The following ADAMTS2 variants were observed in gnomAD, a reference collection of about 807,000 sequenced individuals.
ADAMTS2 encodes the protein ADAM metallopeptidase with thrombospondin type 1 motif 2.
ADAMTS2 carries 50 observed loss-of-function variants against 123.0 expected under a neutral mutation model. The ratio of observed to expected loss-of-function variants is 0.41; its 90% CI spans 0.32 to 0.51. The LOEUF (loss-of-function observed/expected upper bound fraction) is 0.51. Ranked by LOEUF, ADAMTS2 falls within the 20% of genes least tolerant of loss-of-function variation. The pLI is 0.35. For synonymous variants in ADAMTS2, 678 were observed against 695.4 expected, an observed-to-expected ratio of 0.98 and a Z score of 0.39; for missense variants, 1,494 against 1,705.2, an observed-to-expected ratio of 0.88 and a Z score of 2.18.
intron 3 of ADAMTS2, among the ~76,000 whole-genome samples, chr5:179,222,328 A>C (rs540169049): frequency 6.6e-6 from 1 of 152,222 alleles, no homozygotes; most frequent in African/African-American, 2.4e-5. Context: ...GGAAATCAGA[A>C]ATCAGAGTGA....
intron 7 of ADAMTS2, 132 bp from the exon 8 acceptor site, chr5:179,154,324 T>C (rs1025569341): frequency 3.1e-5 from 41 of 1,308,522 alleles, no homozygotes; most frequent in Non-Finnish European, 3.9e-5. Context: ...CTGAGCCGGG[T>C]GGCACCGACC....
At position 179,189,690 on chromosome 5, in the gene ADAMTS2, T is replaced by C. The variant is rs1454617618; in HGVS notation, c.892-8535A>G. 6.6e-6 allele frequency among the ~76,000 whole-genome samples: 1 copy of C among 151,378 alleles called. No homozygotes were observed. Among genetic ancestry groups the C allele is most frequent in the Non-Finnish European group, 1.5e-5 (1 of 67,938 alleles). ...TTTTTTGTGGGCTGGGGACGGATTT[T>C]ACAAAGTACATTCTCAAGGGCGGAA... On this transcript the variant is annotated intron_variant, in intron 4 of 21. Transcript: ENST00000251582. This position sits in a 1 kb window ranked among gnomAD's most constrained non-coding sequence, Gnocchi z 4.2.
At chr5:179,142,441 A>G (rs1326606885) in intron 10 of ADAMTS2, among the ~76,000 whole-genome samples, 1 of 152,192 alleles carries the variant, frequency 6.6e-6, no homozygotes, top group Non-Finnish European at 1.5e-5. Flanking sequence ...GATACTGGCA[A>G]CACCCTGCCC....
At chr5:179,299,972 T>C (rs937583501) in intron 2 of ADAMTS2, among the ~76,000 whole-genome samples, 25 of 151,692 alleles carry the variant, frequency 1.6e-4, no homozygotes, top group Middle Eastern at 3.2e-3. Flanking sequence ...CAGGCGCCTG[T>C]AGTCCCAGCT....
At chr5:179,250,967 A>G (rs1162669793) in intron 3 of ADAMTS2, among the ~76,000 whole-genome samples, 2 of 152,092 alleles carry the variant, frequency 1.3e-5, no homozygotes, top group Non-Finnish European at 2.9e-5. Context: ...GATCCTGCTC[A>G]CTCTAGGGAA....
At chr5:179,199,021 A>C (rs147142267) in intron 4 of ADAMTS2, among the ~76,000 whole-genome samples, 1 of 152,030 alleles carries the variant, frequency 6.6e-6, no homozygotes, top group African/African-American at 2.4e-5. Flanking sequence ...CGGGAGTCTG[A>C]GGTGGCATCC....
In ADAMTS2 at chr5:179,129,489, C is replaced by T. The variant is rs1057392252; in HGVS notation, c.2457+443G>A. 1.3e-5 allele frequency among the ~76,000 whole-genome samples: 2 copies of T among 152,194 alleles called. No homozygotes were observed. The highest frequency in any genetic ancestry group is 2.9e-5 in the Non-Finnish European group (2 of 68,032). ...AGAAAGTGATTTGAAAATCCAGCCC[C>T]CGTGGTACTTTCCTACAACCAGGAG... On this transcript the variant is annotated intron_variant, in intron 16 of 21. Transcript: ENST00000251582. The surrounding 1 kb of genome is among the most constrained non-coding windows in gnomAD (Gnocchi z 4.1).
chr5:179,222,806 C>A (rs898433519), intron 3 of ADAMTS2, among the ~76,000 whole-genome samples: 1 of 152,166 alleles, frequency 6.6e-6, no homozygotes, highest in Non-Finnish European at 1.5e-5. Flanking sequence ...TGAACTGACT[C>A]CTGCCAAGCC....
At chr5:179,166,466 G>C (rs552691237) in intron 5 of ADAMTS2, among the ~76,000 whole-genome samples, 1 of 152,194 alleles carries the variant, frequency 6.6e-6, no homozygotes, top group Non-Finnish European at 1.5e-5. Context: ...GGGCTGTCAG[G>C]AGGCTTGGCC....
Position 179,188,029 on chromosome 5 carries a change from G to T in ADAMTS2, c.892-6874C>A, listed in dbSNP as rs995325296. On this transcript the variant is annotated intron_variant, in intron 4 of 21. Coordinates refer to ENST00000251582, the MANE Select transcript of ADAMTS2 (RefSeq NM_014244.5). The surrounding 1 kb of genome is among the most constrained non-coding windows in gnomAD (Gnocchi z 5.1). ...AGGTGACTTTGTCCTCTGCCAAGGT[G>T]GGGGAGGGGTGCAGAAAGGGGGGAA... Among the ~76,000 whole-genome samples, 94 of 152,214 alleles carry T rather than the reference G, an allele frequency of 6.2e-4. No homozygotes were observed. The highest frequency in any genetic ancestry group is 1.0e-3 in the Non-Finnish European group (69 of 67,990).
chr5:179,315,267 T>C (rs932159209), intron 2 of ADAMTS2, among the ~76,000 whole-genome samples: 1 of 152,032 alleles, frequency 6.6e-6, no homozygotes, highest in Non-Finnish European at 1.5e-5. Flanking sequence ...GAGGCCACAG[T>C]TGGCTTCTGG....
intron 10 of ADAMTS2, chr5:179,151,192 C>T (rs187192840): frequency 4.0e-4 from 113 of 279,632 alleles, no homozygotes; most frequent in African/African-American, 2.4e-3. Context: ...CCACCGCGCC[C>T]GGCCTGAACT....
At chr5:179,230,776 C>T (rs565774597) in intron 3 of ADAMTS2, among the ~76,000 whole-genome samples, 9 of 152,282 alleles carry the variant, frequency 5.9e-5, no homozygotes, top group South Asian at 2.1e-4. Flanking sequence ...TTTGGGAGGC[C>T]GAGGCAGGCG....
At position 179,341,670 on chromosome 5, in the gene ADAMTS2, G is replaced by A. The variant is rs115300558; in HGVS notation, c.534+2097C>T. On this transcript the variant is annotated intron_variant, in intron 2 of 21. Transcript: ENST00000251582. ...AGAGCGCTTGCAGTGAGCTGAGATCGCGCCACTGCACTCCAGCCTGGGTAA... is the reference window on the plus strand; with the variant it reads ...AGAGCGCTTGCAGTGAGCTGAGATCACGCCACTGCACTCCAGCCTGGGTAA... Among the ~76,000 whole-genome samples, 616 of 149,300 alleles carry A rather than the reference G, an allele frequency of 4.1e-3. 1 individual carries two copies. The highest frequency in any genetic ancestry group is 8.3e-3 in the Admixed American group (123 of 14,886).
chr5:179,122,563 T>C, intron 20 of ADAMTS2, 81 bp downstream of exon 20: 3 of 1,523,932 alleles, frequency 2.0e-6, no homozygotes, highest in Non-Finnish European at 2.7e-6. Flanking sequence ...AAGAGCCAGA[T>C]TTGCCTGAAC....
Position 179,307,617 on chromosome 5 carries a change from C to G in ADAMTS2, c.535-34553G>C, listed in dbSNP as rs1031652482. Reference sequence around the variant, plus strand: ...TCACTGCCTGCCCAAAGCCCTCCAGCGGCTTCCCACCACATGACTGCCCCG... The same window carrying G: ...TCACTGCCTGCCCAAAGCCCTCCAGGGGCTTCCCACCACATGACTGCCCCG... On this transcript the variant is annotated intron_variant, in intron 2 of 21. Coordinates refer to ENST00000251582, the MANE Select transcript of ADAMTS2 (RefSeq NM_014244.5). This position sits in a 1 kb window ranked among gnomAD's most constrained non-coding sequence, Gnocchi z 5.6. 2.0e-5 allele frequency among the ~76,000 whole-genome samples: 3 copies of G among 152,120 alleles called. No homozygotes were observed. The highest frequency in any genetic ancestry group is 6.5e-5 in the Admixed American group (1 of 15,270).
chr5:179,294,504 C>T (rs989468351), intron 2 of ADAMTS2, among the ~76,000 whole-genome samples: 1 of 152,214 alleles, frequency 6.6e-6, no homozygotes, highest in Non-Finnish European at 1.5e-5. Context: ...GGATGCTGAG[C>T]ACCCATGCAA....
intron 3 of ADAMTS2, among the ~76,000 whole-genome samples, chr5:179,238,712 G>T (rs1327784957): frequency 2.0e-5 from 3 of 152,164 alleles, no homozygotes; most frequent in Non-Finnish European, 4.4e-5. Context: ...TGGAGGCCAC[G>T]GGGTCCCAGG....
chr5:179,161,098 C>T (rs1334660069), intron 5 of ADAMTS2, among the ~76,000 whole-genome samples: 1 of 152,176 alleles, frequency 6.6e-6, no homozygotes, highest in Non-Finnish European at 1.5e-5. Flanking sequence ...TGTAGCATAA[C>T]CTCACCTACT....
Sources: gnomAD v4.1 joint callset for allele counts (sites outside exome capture counted in the v4.1 genomes callset) on GRCh38, gnomAD v4.1.1 for gene constraint, Gnocchi (gnomAD v3.1) non-coding constraint, MANE v1.5 for transcripts, NCBI Gene and HGNC (gene_info 2026-07-23, HGNC 2026-07-21) for gene names.